NRG1: variants seen among roughly 807,000 people sequenced by gnomAD.
The protein encoded by NRG1 is pro-neuregulin-1, membrane-bound isoform.
In NRG1, 18 loss-of-function variants were observed where a neutral mutation model predicts 63.8. That is an observed-to-expected ratio of 0.28 (90% CI 0.19 to 0.42). The LOEUF (loss-of-function observed/expected upper bound fraction) is 0.42. Among genes scored for constraint, NRG1 ranks in the 10% least tolerant of loss-of-function variants. The probability of loss-of-function intolerance (pLI) is 1.00; values close to 1 mark genes in which losing one functional copy is unlikely to be tolerated. For synonymous variants in NRG1, 302 were observed against 301.3 expected, an observed-to-expected ratio of 1.00 and a Z score of -0.02; for missense variants, 762 against 814.7, an observed-to-expected ratio of 0.94 and a Z score of 0.79.
At chr8:32,291,883 A>G (rs1854244256) in intron 1 of NRG1, among the ~76,000 whole-genome samples, 1 of 152,084 alleles carries the variant, frequency 6.6e-6, no homozygotes, top group Non-Finnish European at 1.5e-5. Flanking sequence ...GAAAATATAA[A>G]CTAGAAAATG....
chr8:31,836,510 A>G (rs375837937), intron 1 of NRG1, among the ~76,000 whole-genome samples: 9 of 152,076 alleles, frequency 5.9e-5, no homozygotes, highest in African/African-American at 2.2e-4. Flanking sequence ...AGTATTTAAA[A>G]CTGTGTATTG....
At chr8:31,974,982 T>A (rs1250902691) in intron 1 of NRG1, among the ~76,000 whole-genome samples, 1 of 152,186 alleles carries the variant, frequency 6.6e-6, no homozygotes, top group East Asian at 1.9e-4. Flanking sequence ...GAAAAATTGC[T>A]TTCAGTCTAT....
At chr8:32,013,387 T>C (rs187119829) in intron 1 of NRG1, among the ~76,000 whole-genome samples, 84 of 152,234 alleles carry the variant, frequency 5.5e-4, no homozygotes, top group African/African-American at 2.0e-3. Context: ...AGTGATGTCA[T>C]GTAGATAGGC....
chr8:31,846,026 A>C (rs1383895), intron 1 of NRG1, among the ~76,000 whole-genome samples: 1 of 151,914 alleles, frequency 6.6e-6, no homozygotes, highest in South Asian at 2.1e-4. Context: ...AGTTCCAAAG[A>C]CATCCCCATG....
chr8:32,030,908 A>C (rs1586604876), intron 1 of NRG1, among the ~76,000 whole-genome samples: 1 of 152,210 alleles, frequency 6.6e-6, no homozygotes, highest in African/African-American at 2.4e-5. Context: ...AGACATAAAT[A>C]AACAGCCAGC....
At chr8:32,031,625 T>G (rs1818269420) in intron 1 of NRG1, among the ~76,000 whole-genome samples, 1 of 152,144 alleles carries the variant, frequency 6.6e-6, no homozygotes, top group African/African-American at 2.4e-5. Flanking sequence ...TTGCCCCCCA[T>G]GACAGGCCCC....
intron 1 of NRG1, among the ~76,000 whole-genome samples, chr8:32,144,920 A>G (rs1300360822): frequency 6.6e-6 from 1 of 152,184 alleles, no homozygotes; most frequent in Non-Finnish European, 1.5e-5. Context: ...ATAGAATATG[A>G]AGTTTGAGGG....
At chr8:31,755,734 T>C (rs989637513) in intron 1 of NRG1, among the ~76,000 whole-genome samples, 13 of 152,118 alleles carry the variant, frequency 8.5e-5, no homozygotes, top group African/African-American at 3.1e-4. Flanking sequence ...GCAGCGCGTA[T>C]TTACTTGCTC....
chr8:31,776,460 G>C (rs1335172067), intron 1 of NRG1, among the ~76,000 whole-genome samples: 1 of 152,178 alleles, frequency 6.6e-6, no homozygotes, highest in Non-Finnish European at 1.5e-5. Context: ...GAATATGTGA[G>C]GTAATGGAGA....
intron 1 of NRG1, among the ~76,000 whole-genome samples, chr8:31,807,003 G>A (rs1383405343): frequency 6.6e-6 from 1 of 152,174 alleles, no homozygotes; most frequent in African/African-American, 2.4e-5. Flanking sequence ...ACCTTGGGTC[G>A]TATCTCCAAG....
intron 1 of NRG1, among the ~76,000 whole-genome samples, chr8:32,366,447 ATT>A (rs1311551487): frequency 6.6e-6 from 1 of 151,714 alleles, no homozygotes; most frequent in East Asian, 1.9e-4. Flanking sequence ...AACATGCAAT[ATT>A]TTGTCTTTCT....
intron 2 of NRG1, among the ~76,000 whole-genome samples, chr8:32,600,867 T>C (rs537414140): frequency 1.3e-5 from 2 of 152,228 alleles, no homozygotes; most frequent in Admixed American, 6.5e-5. Context: ...AACTCATCAA[T>C]TAAAGAGCAA....
intron 1 of NRG1, among the ~76,000 whole-genome samples, chr8:32,132,534 C>T (rs1834969816): frequency 6.6e-6 from 1 of 152,030 alleles, no homozygotes; most frequent in Non-Finnish European, 1.5e-5. Flanking sequence ...TAAAGGGGCG[C>T]TGTAACTTTA....
intron 5 of NRG1, among the ~76,000 whole-genome samples, chr8:32,719,698 A>G (rs983552656): frequency 6.6e-6 from 1 of 151,706 alleles, no homozygotes; most frequent in Non-Finnish European, 1.5e-5. Context: ...TGATATTCGA[A>G]TTTTTCTCCT....
chr8:32,613,145 A>G (rs1313299181), intron 3 of NRG1, among the ~76,000 whole-genome samples: 1 of 151,928 alleles, frequency 6.6e-6, no homozygotes, highest in Non-Finnish European at 1.5e-5. Context: ...AGTGAGCCCC[A>G]TTTTTAGTGG....
At chr8:31,764,672 CA>C (rs1226586988) in intron 1 of NRG1, among the ~76,000 whole-genome samples, 9 of 152,092 alleles carry the variant, frequency 5.9e-5, no homozygotes, top group Admixed American at 5.9e-4. Flanking sequence ...GGAGAATTTA[CA>C]TGTTTTTTAT....
intron 1 of NRG1, among the ~76,000 whole-genome samples, chr8:32,314,862 C>T (rs1208062059): frequency 6.6e-6 from 1 of 152,172 alleles, no homozygotes; most frequent in African/African-American, 2.4e-5. Context: ...GCCAGTTGTT[C>T]CATCAAACAC....
chr8:32,572,709 A>G (rs1180600742), intron 1 of NRG1, among the ~76,000 whole-genome samples: 2 of 152,098 alleles, frequency 1.3e-5, no homozygotes, highest in Non-Finnish European at 2.9e-5. Flanking sequence ...TCAGATTCCA[A>G]GTGGTTGAGA....
intron 1 of NRG1, among the ~76,000 whole-genome samples, chr8:31,845,545 C>T (rs1024276701): frequency 3.3e-5 from 5 of 151,962 alleles, no homozygotes; most frequent in Non-Finnish European, 7.4e-5. Context: ...GGTGAAAATG[C>T]TCTTTTTGTT....
Sources: gnomAD v4.1 joint callset for allele counts (sites outside exome capture counted in the v4.1 genomes callset) on GRCh38, gnomAD v4.1.1 for gene constraint, MANE v1.5 for transcripts, NCBI Gene and HGNC (gene_info 2026-07-23, HGNC 2026-07-21) for gene names.